CFAP46: variants seen among roughly 807,000 people sequenced by gnomAD.
The protein encoded by CFAP46 is cilia and flagella associated protein 46.
In CFAP46, 245 loss-of-function variants were observed where a neutral mutation model predicts 325.7. That is an observed-to-expected ratio of 0.75 (90% CI 0.68 to 0.84). CFAP46 has a LOEUF of 0.84. Ranked by LOEUF, CFAP46 falls within the 40% of genes least tolerant of loss-of-function variation. The probability of loss-of-function intolerance (pLI) is 0.00; values close to 1 mark genes in which losing one functional copy is unlikely to be tolerated. For synonymous variants in CFAP46, 1,523 were observed against 1,495.9 expected, an observed-to-expected ratio of 1.02 and a Z score of -0.42; for missense variants, 3,346 against 3,543.0, an observed-to-expected ratio of 0.94 and a Z score of 1.41.
chr10:132,821,416 T>C (rs1847821628), intron 50 of CFAP46, among the ~76,000 whole-genome samples: 1 of 130,574 alleles, frequency 7.7e-6, no homozygotes, highest in Admixed American at 7.3e-5. Context: ...GTGTGCTGTG[T>C]GAGCGCTGAT....
At position 132,937,619 on chromosome 10, in the gene CFAP46, C is replaced by G. The variant is rs1428560989; in HGVS notation, c.593G>C (p.Cys198Ser). Residue 198 changes from cysteine to serine, a missense_variant, in exon 6 of 58, where the codon TGC (cysteine) becomes TCC (serine). Physicochemically the swap from Cys to Ser is moderately radical, Grantham distance 112 (BLOSUM62 -1). Coordinates refer to ENST00000368586, the MANE Select transcript of CFAP46 (RefSeq NM_001200049.3). ...CTTAATGAACGGAGCTGCCGTGGAG[C>G]AGAACCTGGCAGCCTCCTCCTTTCT... Reference protein sequence around the residue: ...AGRKEEAARFCSTAAPFIKSH... With the variant: ...AGRKEEAARFSSTAAPFIKSH... 5 of 1,613,122 alleles carry G rather than the reference C, an allele frequency of 3.1e-6. No homozygotes were observed. Among genetic ancestry groups the G allele is most frequent in the Non-Finnish European group, 4.2e-6 (5 of 1,179,830 alleles).
chr10:132,922,548 G>T lies in CFAP46; in HGVS notation c.1417C>A (p.Arg473Ser), dbSNP rs4880287. ...GCCTGGTATAGCGTGGTGCACAGAC[G>T]CAGCCGGGTGGAGGCCATCTGGATC... ...DRIQMASTRLRLCTTLYQAPE... is the reference protein window; with the variant it reads ...DRIQMASTRLSLCTTLYQAPE... Residue 473 changes from arginine to serine, a missense_variant, in exon 12 of 58, where the codon CGT becomes AGT. Coordinates refer to ENST00000368586, the MANE Select transcript of CFAP46 (RefSeq NM_001200049.3). The T allele has an allele frequency of 0.38, 588,217 of 1,546,372 alleles. 113,402 individuals carry two copies. The highest frequency in any genetic ancestry group is 0.54 in the Admixed American group (27,581 of 50,974).
At chr10:132,824,256 CTG>C (rs1434439077) in intron 50 of CFAP46, among the ~76,000 whole-genome samples, 2 of 124,610 alleles carry the variant, frequency 1.6e-5, no homozygotes, top group African/African-American at 6.3e-5. Context: ...CTGATGTGTG[CTG>C]TGTGCTGATG....
At chr10:132,844,029 G>C (rs1163205954) in intron 44 of CFAP46, among the ~76,000 whole-genome samples, 14 of 111,910 alleles carry the variant, frequency 1.3e-4, no homozygotes, top group African/African-American at 4.0e-4. Context: ...GTCTCGGTGG[G>C]TGTTCCCAGG....
chr10:132,878,720 G>T (rs577953287), intron 29 of CFAP46, among the ~76,000 whole-genome samples: 2 of 152,280 alleles, frequency 1.3e-5, no homozygotes, highest in South Asian at 4.1e-4. Context: ...CTGAAGACGG[G>T]ATAGGGGGGC....
intron 19 of CFAP46, among the ~76,000 whole-genome samples, chr10:132,912,129 C>CT (rs1341713373): frequency 3.0e-5 from 4 of 134,738 alleles, no homozygotes; most frequent in African/African-American, 1.1e-4. Context: ...CCCCCACCCC[C>CT]CCACCCCCAC....
intron 35 of CFAP46, among the ~76,000 whole-genome samples, chr10:132,862,145 C>T (rs1278591140): frequency 5.9e-5 from 9 of 152,192 alleles, no homozygotes; most frequent in Non-Finnish European, 1.2e-4. Context: ...GGCAGGTGGG[C>T]GACTGGGCTC....
At chr10:132,907,867 C>T (rs571040172) in intron 22 of CFAP46, among the ~76,000 whole-genome samples, 2 of 152,326 alleles carry the variant, frequency 1.3e-5, no homozygotes, top group East Asian at 3.9e-4. Context: ...CGGGAGGCGC[C>T]GTCTGTGAGA....
At chr10:132,905,549 T>C (rs1392549334) in intron 22 of CFAP46, among the ~76,000 whole-genome samples, 1 of 152,058 alleles carries the variant, frequency 6.6e-6, no homozygotes, top group African/African-American at 2.4e-5. Context: ...CTCTGGGTCC[T>C]TTTGTCTAAA....
At position 132,876,475 on chromosome 10, in the gene CFAP46, G is replaced by A. The variant is rs1048238029; in HGVS notation, c.4362+337C>T. On this transcript the variant is annotated intron_variant, in intron 31 of 57. Transcript: ENST00000368586. This position sits in a 1 kb window ranked among gnomAD's most constrained non-coding sequence, Gnocchi z 4.1. Reference sequence around the variant, plus strand: ...TCCCGACACCTGGATTTGAGCCCAGGGACACTGATTTTCGGCTTCCGGCCT... The same window carrying A: ...TCCCGACACCTGGATTTGAGCCCAGAGACACTGATTTTCGGCTTCCGGCCT... Among the ~76,000 whole-genome samples the A allele has an allele frequency of 6.6e-6, 1 of 152,216 alleles. No homozygotes were observed. The highest frequency in any genetic ancestry group is 2.4e-5 in the African/African-American group (1 of 41,456).
intron 9 of CFAP46, 133 bp downstream of exon 9, chr10:132,929,572 G>A (rs370373867): frequency 1.6e-5 from 14 of 858,470 alleles, no homozygotes; most frequent in Non-Finnish European, 2.7e-5. Flanking sequence ...AGGAAAGACG[G>A]CAATGTGCCA....
chr10:132,909,585 C>T (rs1849509983), intron 20 of CFAP46, among the ~76,000 whole-genome samples: 1 of 152,180 alleles, frequency 6.6e-6, no homozygotes, highest in South Asian at 2.1e-4. Context: ...CCACTAGGGC[C>T]TGGCTCCTGG....
chr10:132,886,711 C>T lies in CFAP46; in HGVS notation c.3305-752G>A, dbSNP rs912475069. On this transcript the variant is annotated intron_variant, in intron 25 of 57. Transcript: ENST00000368586. This position sits in a 1 kb window ranked among gnomAD's most constrained non-coding sequence, Gnocchi z 5.8. ...GAACCCAGCCCACTCTGCCACCTTC[C>T]GGCCAAGAGTCCTTTTACCTCAAGG... Among the ~76,000 whole-genome samples the T allele has an allele frequency of 2.0e-5, 3 of 152,140 alleles. No individual in the cohort carries two copies. Among genetic ancestry groups the T allele is most frequent in the East Asian group, 1.9e-4 (1 of 5,190 alleles).
rs925785899 is a variant in CFAP46, at chr10:132,860,854, C to T, written c.5019G>A (p.Glu1673=). The change falls in exon 36 of 58, where the codon GAG becomes GAA. Residue 1673 remains glutamate (E), a synonymous_variant. Coordinates refer to ENST00000368586, the MANE Select transcript of CFAP46 (RefSeq NM_001200049.3). The part of the protein sequence containing the change: ...AQAQHLGGSE[E]FWYNSTLTLA... ...GGGTCAGAGTGGAATTGTACCAGAA[C>T]TCCTCACTTCCGCCCAGGTGCTGGG... The T allele has an allele frequency of 6.4e-7, 1 of 1,550,956 alleles. No individual in the cohort carries two copies.
chr10:132,862,973 A>C (rs2135243283), intron 35 of CFAP46, among the ~76,000 whole-genome samples: 1 of 152,224 alleles, frequency 6.6e-6, no homozygotes, highest in East Asian at 1.9e-4. Flanking sequence ...GAGGGCGGGA[A>C]AGATCAAGGA....
intron 8 of CFAP46, among the ~76,000 whole-genome samples, chr10:132,934,160 A>G (rs1352949749): frequency 6.6e-6 from 1 of 152,222 alleles, no homozygotes; most frequent in African/African-American, 2.4e-5. Flanking sequence ...TCAGCCTCCC[A>G]TATCAACAAG....
chr10:132,936,192 C>CAT (rs1850001778), intron 7 of CFAP46, among the ~76,000 whole-genome samples: 4 of 117,228 alleles, frequency 3.4e-5, no homozygotes, highest in Middle Eastern at 7.6e-3. Context: ...CCCCTCAGCC[C>CAT]CCAAACACAC....
intron 57 of CFAP46, among the ~76,000 whole-genome samples, chr10:132,809,191 G>C (rs759268845): frequency 1.9e-4 from 29 of 152,324 alleles, no homozygotes; most frequent in Non-Finnish European, 3.5e-4. Flanking sequence ...TGCTGGGGGG[G>C]CGCCCGTCTA....
At chr10:132,873,140 A>C (rs1257143293) in intron 31 of CFAP46, among the ~76,000 whole-genome samples, 1 of 152,192 alleles carries the variant, frequency 6.6e-6, no homozygotes, top group African/African-American at 2.4e-5. Context: ...TTTCCACTAA[A>C]AACTACTGAC....
Sources: allele counts gnomAD v4.1 joint callset (sites outside exome capture counted in the v4.1 genomes callset), GRCh38; gene constraint gnomAD v4.1.1; non-coding constraint Gnocchi (gnomAD v3.1); transcripts MANE v1.5; gene names NCBI Gene and HGNC (gene_info 2026-07-23, HGNC 2026-07-21).